PTK2: variants seen among roughly 807,000 people sequenced by gnomAD.
PTK2 encodes the protein protein tyrosine kinase 2.
In PTK2, 45 loss-of-function variants were observed where a neutral mutation model predicts 150.1. The observed-to-expected ratio is 0.30, with a 90% confidence interval of 0.24 to 0.38. PTK2 has a LOEUF of 0.38. Ranked by LOEUF, PTK2 falls within the 10% of genes least tolerant of loss-of-function variation. The pLI is 1.00. For synonymous variants in PTK2, 432 were observed against 449.2 expected (o/e 0.96, Z 0.48); for missense variants, 919 against 1,307.3 (o/e 0.70, Z 4.58).
intron 8 of PTK2, among the ~76,000 whole-genome samples, chr8:140,829,501 T>A (rs1186740598): frequency 1.3e-5 from 2 of 152,188 alleles, no homozygotes; most frequent in Non-Finnish European, 2.9e-5. Context: ...CTCTTATTAA[T>A]CTCGTGTTAG....
At chr8:140,854,169 CT>C (rs760213716) in intron 5 of PTK2, among the ~76,000 whole-genome samples, 8 of 152,198 alleles carry the variant, frequency 5.3e-5, no homozygotes, top group Non-Finnish European at 1.0e-4. Context: ...AAGGAAACCA[CT>C]GATTATTTAA....
intron 26 of PTK2, among the ~76,000 whole-genome samples, chr8:140,696,214 T>C (rs961315501): frequency 6.6e-6 from 1 of 152,136 alleles, no homozygotes; most frequent in African/African-American, 2.4e-5. Context: ...GCTTACACTT[T>C]AGTGGAGGAG....
At chr8:140,978,517 T>A (rs1361585326) in intron 1 of PTK2, among the ~76,000 whole-genome samples, 1 of 152,088 alleles carries the variant, frequency 6.6e-6, no homozygotes, top group African/African-American at 2.4e-5. Context: ...AAAATGCTCA[T>A]CATCACTGGC....
intron 7 of PTK2, among the ~76,000 whole-genome samples, chr8:140,837,065 A>G (rs2100119076): frequency 6.6e-6 from 1 of 152,198 alleles, no homozygotes; most frequent in African/African-American, 2.4e-5. Flanking sequence ...GTACTTTTAA[A>G]GGCTAACGAA....
chr8:140,767,637 C>T (rs1004110050), intron 14 of PTK2, among the ~76,000 whole-genome samples: 4 of 152,096 alleles, frequency 2.6e-5, no homozygotes, highest in Non-Finnish European at 5.9e-5. Flanking sequence ...AGGCACGCGC[C>T]GCCATGCCTG....
At chr8:140,897,495 CGGGAAGGTCTGTGTCT>C (rs2100156773) in intron 2 of PTK2, among the ~76,000 whole-genome samples, 1 of 152,164 alleles carries the variant, frequency 6.6e-6, no homozygotes, top group Non-Finnish European at 1.5e-5. Flanking sequence ...CAGCTCTCTC[CGGGAAGGTCTGTGTCT>C]GATGCTGTTA....
At chr8:140,657,966 T>C (rs1015037559) in exon 32 of PTK2, 2 of 152,242 alleles carry the variant, frequency 1.3e-5, no homozygotes, top group African/African-American at 2.4e-5. Context: ...CTTTGGAGTC[T>C]GAGTCCCTAG....
intron 1 of PTK2, among the ~76,000 whole-genome samples, chr8:140,952,045 G>A (rs2100179714): frequency 1.3e-5 from 2 of 152,020 alleles, no homozygotes; most frequent in South Asian, 4.1e-4. Flanking sequence ...TTTCTGCTAT[G>A]GAACTGTCTT....
At chr8:140,827,761 T>C (rs1383507501) in intron 8 of PTK2, among the ~76,000 whole-genome samples, 1 of 152,210 alleles carries the variant, frequency 6.6e-6, no homozygotes, top group East Asian at 1.9e-4. Flanking sequence ...AGGTACAATG[T>C]CAAACAAAGG....
chr8:140,774,570 T>A (rs760100769), intron 14 of PTK2, among the ~76,000 whole-genome samples: 1 of 152,178 alleles, frequency 6.6e-6, no homozygotes, highest in Non-Finnish European at 1.5e-5. Context: ...CCATCTTGAA[T>A]AGGGGCTCGG....
intron 1 of PTK2, among the ~76,000 whole-genome samples, chr8:140,937,352 GA>G (rs776706395): frequency 4.5e-4 from 68 of 152,090 alleles, no homozygotes; most frequent in South Asian, 1.9e-3. Flanking sequence ...TGATTTTTCT[GA>G]AAATAAAGTT....
Position 140,892,987 on chromosome 8 carries a change from A to G in PTK2, c.-32-2218T>C, listed in dbSNP as rs118147206. On this transcript the variant is annotated intron_variant, in intron 2 of 31. Coordinates refer to ENST00000522684, the Ensembl canonical transcript of PTK2. ...AGTTACCACATGAACCAACCATTCCATTTCTAGGTAGACATATGCCCAAAA... is the reference window on the plus strand; with the variant it reads ...AGTTACCACATGAACCAACCATTCCGTTTCTAGGTAGACATATGCCCAAAA... 1.2e-4 allele frequency among the ~76,000 whole-genome samples: 18 copies of G among 152,348 alleles called. No homozygotes were observed. The East Asian group carries it at 3.3e-3, about 28-fold the overall frequency.
At chr8:140,819,581 C>A (rs991024241) in intron 8 of PTK2, among the ~76,000 whole-genome samples, 7 of 152,278 alleles carry the variant, frequency 4.6e-5, no homozygotes, top group African/African-American at 9.6e-5. Flanking sequence ...TCTTCTCAAC[C>A]AACATTCTAT....
At chr8:140,938,099 G>T (rs748127799) in intron 1 of PTK2, among the ~76,000 whole-genome samples, 2 of 152,058 alleles carry the variant, frequency 1.3e-5, no homozygotes, top group African/African-American at 4.8e-5. Flanking sequence ...GTACAAAATC[G>T]AGAGTATCTT....
At chr8:140,727,043 T>A (rs1255708439) in intron 22 of PTK2, among the ~76,000 whole-genome samples, 1 of 152,206 alleles carries the variant, frequency 6.6e-6, no homozygotes, top group Non-Finnish European at 1.5e-5. Context: ...TTAAGATGTA[T>A]ACTGTAATTC....
intron 20 of PTK2, among the ~76,000 whole-genome samples, chr8:140,741,547 A>G (rs1032956501): frequency 1.3e-5 from 2 of 152,092 alleles, no homozygotes; most frequent in East Asian, 1.9e-4. Context: ...ATATGGAAAG[A>G]GAATAGTTAT....
chr8:140,807,368 T>TA (rs2100098674), intron 10 of PTK2, among the ~76,000 whole-genome samples: 1 of 152,200 alleles, frequency 6.6e-6, no homozygotes, highest in Non-Finnish European at 1.5e-5. Context: ...TAAGACTAGG[T>TA]ATATTACATT....
At chr8:140,896,798 G>GGGGT (rs2100156479) in intron 2 of PTK2, among the ~76,000 whole-genome samples, 1 of 101,670 alleles carries the variant, frequency 9.8e-6, no homozygotes, top group South Asian at 3.9e-4. Context: ...CGGGGGGGGG[G>GGGGT]GGTGGGTAAA....
intron 22 of PTK2, among the ~76,000 whole-genome samples, chr8:140,732,199 T>G (rs966556298): frequency 2.0e-5 from 3 of 152,192 alleles, no homozygotes; most frequent in African/African-American, 7.2e-5. Flanking sequence ...TAAGCAATTA[T>G]ATTATATAGT....
Sources: allele counts gnomAD v4.1 joint callset (sites outside exome capture counted in the v4.1 genomes callset), GRCh38; gene constraint gnomAD v4.1.1; transcripts MANE v1.5; gene names NCBI Gene and HGNC (gene_info 2026-07-23, HGNC 2026-07-21).